TUB: variants seen among roughly 807,000 people sequenced by gnomAD.
The protein encoded by TUB is tubby protein homolog.
TUB carries 33 observed loss-of-function variants against 59.7 expected under a neutral mutation model. That is an observed-to-expected ratio of 0.55 (90% CI 0.42 to 0.74). The LOEUF (loss-of-function observed/expected upper bound fraction) is 0.74, where lower values mean the gene tolerates loss of function less well. TUB is among the 30% of genes least tolerant of loss of function. The probability of loss-of-function intolerance (pLI) is 0.00; values close to 1 mark genes in which losing one functional copy is unlikely to be tolerated. For missense variants in TUB, 659 were observed against 672.0 expected (o/e 0.98, Z 0.21); for synonymous variants, 293 against 256.4 (o/e 1.14, Z -1.36).
Position 8,089,649 on chromosome 11 carries a change from G to C in TUB, c.78G>C (p.Lys26Asn), listed in dbSNP as rs61733960. The C allele has an allele frequency of 1.1e-5, 18 of 1,614,098 alleles. No individual in the cohort carries two copies. Among genetic ancestry groups the C allele is most frequent in the Non-Finnish European group, 2.5e-6 (3 of 1,180,030 alleles). ...DDEGRNLRQQ[K>N]LDRQRALLEQ... ...AGGGCAGAAACCTGAGGCAGCAGAA[G>C]CTTGATCGGCAGGTGAGTAGGCCTG... The change falls in exon 2 of 12, where the codon AAG becomes AAC. Residue 26 changes from lysine (K) to asparagine (N), a missense_variant. Physicochemically the swap from Lys to Asn is moderately conservative, Grantham distance 94 (BLOSUM62 0). This residue lies in a region of TUB where 321 missense variants were observed against 304.3 expected (regional missense o/e 1.05). Transcript: ENST00000299506.
rs1944043311 is a variant in TUB at position 8,097,354 on chromosome 11, G to A, written c.814G>A (p.Asp272Asn). The A allele has an allele frequency of 1.9e-6, 3 of 1,614,194 alleles. No homozygotes were observed. Among genetic ancestry groups the A allele is most frequent in the East Asian group, 2.2e-5 (1 of 44,872 alleles). Residue 272 changes from aspartate to asparagine, a missense_variant, in exon 7 of 12, where the codon GAC becomes AAC. Coordinates refer to ENST00000299506, the MANE Select transcript of TUB (RefSeq NM_177972.3). ...CACCATCAAATGCCGCATCACTCGG[G>A]ACAAGAAAGGGATGGACCGGGGCAT... is the stretch of plus-strand genomic sequence containing the variant. ...GITIKCRITR[D>N]KKGMDRGMYP...
At chr11:8,024,512 C>T (rs146668529) in intron 1 of TUB, among the ~76,000 whole-genome samples, 7 of 152,178 alleles carry the variant, frequency 4.6e-5, no homozygotes, top group African/African-American at 1.7e-4. Flanking sequence ...GCCTCCTGCT[C>T]CTTGGAGAAA....
At chr11:8,049,563 A>ATATATATATATATC (rs1942893642) in intron 2 of TUB, among the ~76,000 whole-genome samples, 1 of 87,556 alleles carries the variant, frequency 1.1e-5, no homozygotes, top group Non-Finnish European at 2.5e-5. Context: ...ATTATGTGGT[A>ATATATATATATATC]TATATATATA....
chr11:8,082,170 C>T (rs570982087), intron 1 of TUB, among the ~76,000 whole-genome samples: 2 of 152,360 alleles, frequency 1.3e-5, no homozygotes, highest in South Asian at 4.1e-4. Context: ...GCTACTCAGT[C>T]TCTTTCAGAC....
At chr11:8,075,419 G>C (rs1943434028) in intron 2 of TUB, among the ~76,000 whole-genome samples, 2 of 152,138 alleles carry the variant, frequency 1.3e-5, no homozygotes, top group Non-Finnish European at 2.9e-5. Flanking sequence ...TAACCTTTTA[G>C]TTGCTTCATT....
At chr11:8,021,152 A>G (rs187999353) in intron 1 of TUB, among the ~76,000 whole-genome samples, 42 of 152,266 alleles carry the variant, frequency 2.8e-4, no homozygotes, top group Admixed American at 1.8e-3. Context: ...TTTCTTGGGG[A>G]AGTGTTGTGA....
intron 9 of TUB, among the ~76,000 whole-genome samples, chr11:8,099,783 TGAGTA>T (rs1164069265): frequency 6.6e-6 from 1 of 151,984 alleles, no homozygotes; most frequent in African/African-American, 2.4e-5. Context: ...AGGTAGCTCT[TGAGTA>T]AAGACCAGAA....
intron 3 of TUB, among the ~76,000 whole-genome samples, chr11:8,091,254 T>G (rs1943766987): frequency 6.6e-6 from 1 of 152,172 alleles, no homozygotes; most frequent in South Asian, 2.1e-4. Flanking sequence ...GTCTGCACAT[T>G]GGAGGGCAGC....
At chr11:8,101,272 T>C (rs1944288947) in intron 11 of TUB, among the ~76,000 whole-genome samples, 1 of 152,208 alleles carries the variant, frequency 6.6e-6, no homozygotes, top group African/African-American at 2.4e-5. Context: ...TCCCCTGGTG[T>C]TCACATGCAT....
chr11:8,105,809 CT>C lies in TUB; in HGVS notation c.*4191del, dbSNP rs1458914289. 1.3e-5 allele frequency: 2 copies of C among 152,336 alleles called. No homozygotes were observed. Among genetic ancestry groups the C allele is most frequent in the African/African-American group, 4.8e-5 (2 of 41,542 alleles). 9.4% of individuals were successfully genotyped at this position (152,336 alleles called of 1,614,324 possible). A position where few individuals can be genotyped will look rare whatever the true frequency, so the allele number is the denominator to read the frequency against. On this transcript the variant is annotated 3_prime_UTR_variant, in exon 12 of 12. Coordinates refer to ENST00000299506, the MANE Select transcript of TUB (RefSeq NM_177972.3). The stretch of plus-strand genomic sequence containing the variant: ...TCTGTGCTCCTGTCCCTCCCTCCCC[CT>C]AGCAAGGTCCAGGCAAAGCTGGAGA...
At chr11:8,021,964 A>G (rs549678339) in intron 1 of TUB, among the ~76,000 whole-genome samples, 1 of 152,012 alleles carries the variant, frequency 6.6e-6, no homozygotes, top group East Asian at 1.9e-4. Flanking sequence ...AGACCCCTAC[A>G]TAAAGACATT....
At chr11:8,032,487 G>A (rs1051131675) in intron 1 of TUB, among the ~76,000 whole-genome samples, 1 of 152,182 alleles carries the variant, frequency 6.6e-6, no homozygotes. Context: ...CTGTTTATTG[G>A]AAAACAGACA....
chr11:8,031,902 G>A (rs1461090825), intron 1 of TUB, among the ~76,000 whole-genome samples: 5 of 152,024 alleles, frequency 3.3e-5, no homozygotes, highest in South Asian at 2.1e-4. Flanking sequence ...CGCCCCCCTC[G>A]GGCCACTTCG....
At chr11:8,084,155 C>A (rs939277336) in intron 1 of TUB, among the ~76,000 whole-genome samples, 2 of 152,114 alleles carry the variant, frequency 1.3e-5, no homozygotes, top group African/African-American at 4.8e-5. Context: ...GGTTGGCTGG[C>A]TTCTTGCTGG....
intron 9 of TUB, among the ~76,000 whole-genome samples, chr11:8,099,206 C>G (rs963363578): frequency 6.6e-6 from 1 of 152,052 alleles, no homozygotes; most frequent in Non-Finnish European, 1.5e-5. Context: ...CTCTGGCATG[C>G]CAGGTTCTAC....
At chr11:8,085,125 C>A (rs1412578735) in intron 1 of TUB, among the ~76,000 whole-genome samples, 3 of 152,304 alleles carry the variant, frequency 2.0e-5, no homozygotes, top group Admixed American at 6.5e-5. Flanking sequence ...GCCCTGGGCA[C>A]TTGGACCCAC....
At chr11:8,043,373 T>TG (rs1387237411) in intron 2 of TUB, among the ~76,000 whole-genome samples, 1 of 152,186 alleles carries the variant, frequency 6.6e-6, no homozygotes, top group Non-Finnish European at 1.5e-5. Context: ...TCTCCACCTT[T>TG]GTTCTTTTTC....
intron 10 of TUB, 75 bp from the exon 11 acceptor site, chr11:8,100,751 C>T (rs1944252962): frequency 1.3e-6 from 2 of 1,588,054 alleles, no homozygotes; most frequent in Non-Finnish European, 1.7e-6. Flanking sequence ...ACCCCCATTC[C>T]CGGGATAGAT....
In TUB at chr11:8,032,837, G is replaced by C. The variant is rs531091175; in HGVS notation, c.56+13479G>C. ...ATCTAACAGGACAGCCGAGGGCTGA[G>C]GGAGGACCTTTGCCTGACCCCAAGT... On this transcript the variant is annotated intron_variant, in intron 1 of 11. Transcript: ENST00000534099. Among the ~76,000 whole-genome samples the C allele has an allele frequency of 7.2e-5, 11 of 152,348 alleles. No homozygotes were observed. In the South Asian group the frequency reaches 2.1e-3, roughly 29 times the overall value.
Sources: gnomAD v4.1 joint callset for allele counts (sites outside exome capture counted in the v4.1 genomes callset) on GRCh38, gnomAD v4.1.1 for gene constraint, gnomAD v4.1.1 regional missense constraint, MANE v1.5 for transcripts, NCBI Gene and HGNC (gene_info 2026-07-23, HGNC 2026-07-21) for gene names.